Variants in ASIC2 observed in about 807,000 individuals in gnomAD.
The protein encoded by ASIC2 is acid sensing ion channel subunit 2.
In ASIC2, 25 loss-of-function variants were observed where a neutral mutation model predicts 57.3. That is an observed-to-expected ratio of 0.44 (90% CI 0.32 to 0.61). The LOEUF (loss-of-function observed/expected upper bound fraction) is 0.61, where lower values mean the gene tolerates loss of function less well. ASIC2 is among the 20% of genes least tolerant of loss of function. The pLI, the probability that ASIC2 is intolerant of heterozygous loss-of-function variation, is 0.06. For missense variants in ASIC2, 641 were observed against 738.1 expected, an observed-to-expected ratio of 0.87 and a Z score of 1.52; for synonymous variants, 319 against 307.5, an observed-to-expected ratio of 1.04 and a Z score of -0.39.
rs1363939482 is a variant in ASIC2 at position 33,015,377 on chromosome 17, A to G, written c.1590+594T>C. Reference sequence around the variant, plus strand: ...CCCTCGGGCTATAGGAAAGAGAGGCAGAGTAGGGCAGTGGTTAGAAGTGCT... The same window carrying G: ...CCCTCGGGCTATAGGAAAGAGAGGCGGAGTAGGGCAGTGGTTAGAAGTGCT... On this transcript the variant is annotated intron_variant, in intron 9 of 9. Transcript: ENST00000225823. Among the ~76,000 whole-genome samples the G allele has an allele frequency of 3.3e-5, 5 of 152,312 alleles. No individual in the cohort carries two copies. The East Asian group carries it at 9.6e-4, about 29-fold the overall frequency.
chr17:33,256,078 G>C (rs1369703845), intron 1 of ASIC2, among the ~76,000 whole-genome samples: 1 of 152,100 alleles, frequency 6.6e-6, no homozygotes, highest in African/African-American at 2.4e-5. Flanking sequence ...GGATTTGAGT[G>C]GTCACTTAAA....
intron 1 of ASIC2, among the ~76,000 whole-genome samples, chr17:33,924,474 G>A (rs1915780805): frequency 6.6e-6 from 1 of 152,210 alleles, no homozygotes; most frequent in African/African-American, 2.4e-5. Context: ...CAGAGAAAAT[G>A]CATTCATGCT....
chr17:33,187,825 T>C (rs1597621542), intron 1 of ASIC2, among the ~76,000 whole-genome samples: 1 of 149,042 alleles, frequency 6.7e-6, no homozygotes, highest in Admixed American at 6.7e-5. Flanking sequence ...CCCCAAACAT[T>C]TAAAGGAACT....
At chr17:33,693,050 C>T (rs1567690551) in intron 1 of ASIC2, among the ~76,000 whole-genome samples, 1 of 152,148 alleles carries the variant, frequency 6.6e-6, no homozygotes, top group Non-Finnish European at 1.5e-5. Context: ...TCAGTTGCCT[C>T]AATGTTTATC....
At chr17:33,106,195 C>A (rs1053120964) in intron 2 of ASIC2, among the ~76,000 whole-genome samples, 7 of 151,998 alleles carry the variant, frequency 4.6e-5, no homozygotes, top group African/African-American at 1.7e-4. Flanking sequence ...GTGACTAGAG[C>A]CAGGTTAACA....
intron 1 of ASIC2, among the ~76,000 whole-genome samples, chr17:33,421,337 A>G (rs1393101396): frequency 6.6e-6 from 1 of 152,210 alleles, no homozygotes; most frequent in African/African-American, 2.4e-5. Flanking sequence ...GAAATATGGG[A>G]AAGAAAAACT....
chr17:33,528,167 G>GGTGTGTGTGTGTGTGT (rs56235143), intron 1 of ASIC2, among the ~76,000 whole-genome samples: 13,978 of 143,416 alleles, frequency 0.097, 1,748 homozygotes, highest in African/African-American at 0.29. Context: ...GTATGTGGTA[G>GGTGTGTGTGTGTGTGT]GTGTGTGTGT....
chr17:33,146,392 G>T (rs1327187175), intron 1 of ASIC2, among the ~76,000 whole-genome samples: 1 of 152,298 alleles, frequency 6.6e-6, no homozygotes, highest in South Asian at 2.1e-4. Flanking sequence ...CCACATCCCA[G>T]AATCAAGGTG....
intron 1 of ASIC2, among the ~76,000 whole-genome samples, chr17:34,063,604 G>A (rs1370492126): frequency 1.3e-5 from 2 of 152,026 alleles, no homozygotes; most frequent in South Asian, 4.1e-4. Context: ...TGATATGATC[G>A]TTTACCTTGA....
At chr17:33,030,998 G>T (rs1487231396) in intron 3 of ASIC2, among the ~76,000 whole-genome samples, 1 of 152,072 alleles carries the variant, frequency 6.6e-6, no homozygotes, top group Non-Finnish European at 1.5e-5. Flanking sequence ...TGTCAAGTTT[G>T]GGTATTGGGA....
intron 1 of ASIC2, among the ~76,000 whole-genome samples, chr17:33,618,230 G>T (rs1257382707): frequency 4.0e-5 from 6 of 151,328 alleles, no homozygotes; most frequent in East Asian, 2.0e-4. Flanking sequence ...TTGTTTGTTT[G>T]TTTTTTTGAG....
intron 1 of ASIC2, among the ~76,000 whole-genome samples, chr17:33,268,431 AT>A (rs1238118420): frequency 5.3e-5 from 8 of 152,064 alleles, no homozygotes; most frequent in Non-Finnish European, 1.0e-4. Context: ...TCATCCATCC[AT>A]TCCCCAGTCT....
intron 1 of ASIC2, among the ~76,000 whole-genome samples, chr17:34,068,417 C>T (rs910354462): frequency 1.3e-5 from 2 of 152,156 alleles, no homozygotes; most frequent in African/African-American, 4.8e-5. Flanking sequence ...GCCTATCTTT[C>T]CCTGGTTCGA....
intron 1 of ASIC2, among the ~76,000 whole-genome samples, chr17:33,879,956 C>G (rs1914658275): frequency 6.6e-6 from 1 of 152,168 alleles, no homozygotes; most frequent in African/African-American, 2.4e-5. Context: ...GAAACTCACT[C>G]AAAACTGCTC....
intron 1 of ASIC2, among the ~76,000 whole-genome samples, chr17:33,464,482 C>T (rs60300961): frequency 0.48 from 27,673 of 57,358 alleles, 5,440 homozygotes; most frequent in Non-Finnish European, 0.53. Flanking sequence ...TTTCTTTTCT[C>T]TCTTTCTTTC....
chr17:33,806,117 A>T (rs1051140303), intron 1 of ASIC2, among the ~76,000 whole-genome samples: 3 of 152,108 alleles, frequency 2.0e-5, no homozygotes, highest in Non-Finnish European at 4.4e-5. Context: ...CCACATTCAT[A>T]CTCAAGAATT....
chr17:33,319,089 G>A (rs142312302), intron 1 of ASIC2, among the ~76,000 whole-genome samples: 22 of 152,318 alleles, frequency 1.4e-4, no homozygotes, highest in Admixed American at 3.3e-4. Flanking sequence ...ACATGGCCAG[G>A]TGTGGTGGCA....
chr17:33,232,883 T>TG (rs1338486685), intron 1 of ASIC2, among the ~76,000 whole-genome samples: 3 of 152,202 alleles, frequency 2.0e-5, no homozygotes, highest in Non-Finnish European at 4.4e-5. Flanking sequence ...TGCTTTGTCC[T>TG]GGGGGTCTTC....
intron 1 of ASIC2, among the ~76,000 whole-genome samples, chr17:33,362,366 T>G (rs1908644495): frequency 6.6e-6 from 1 of 152,070 alleles, no homozygotes; most frequent in Admixed American, 6.6e-5. Context: ...GATGGGCAAA[T>G]AGCTGGTGAC....
Sources: gnomAD v4.1 joint callset for allele counts (sites outside exome capture counted in the v4.1 genomes callset) on GRCh38, gnomAD v4.1.1 for gene constraint, MANE v1.5 for transcripts, NCBI Gene and HGNC (gene_info 2026-07-23, HGNC 2026-07-21) for gene names.